The following SCAPER variants were observed in gnomAD, a reference collection of about 807,000 sequenced individuals.
SCAPER encodes the protein S-phase cyclin A associated protein in the ER.
SCAPER carries 98 observed loss-of-function variants against 182.2 expected under a neutral mutation model. The ratio of observed to expected loss-of-function variants is 0.54; its 90% CI spans 0.46 to 0.64. The LOEUF is 0.64. Ranked by LOEUF, SCAPER falls within the 30% of genes least tolerant of loss-of-function variation. SCAPER has a pLI of 0.00. For synonymous variants in SCAPER, 605 were observed against 564.6 expected, an observed-to-expected ratio of 1.07 and a Z score of -1.01; for missense variants, 1,432 against 1,690.0, an observed-to-expected ratio of 0.85 and a Z score of 2.68.
At chr15:76,496,009 C>CACAT (rs1455455172) in intron 24 of SCAPER, among the ~76,000 whole-genome samples, 8 of 139,358 alleles carry the variant, frequency 5.7e-5, no homozygotes, top group African/African-American at 2.2e-4. Flanking sequence ...CACACACACA[C>CACAT]ACACACACAC....
chr15:76,861,151 C>T (rs2071829814), intron 3 of SCAPER, among the ~76,000 whole-genome samples: 1 of 152,072 alleles, frequency 6.6e-6, no homozygotes, highest in African/African-American at 2.4e-5. Context: ...TTTGCAACCA[C>T]CAGAGGTATA....
At chr15:76,603,016 T>TTTTA (rs563245830) in intron 22 of SCAPER, among the ~76,000 whole-genome samples, 2 of 114,558 alleles carry the variant, frequency 1.7e-5, no homozygotes, top group South Asian at 2.7e-4. Flanking sequence ...ATAGTTTTTA[T>TTTTA]TTTATTTATT....
At chr15:76,690,447 T>A (rs2058290947) in intron 20 of SCAPER, among the ~76,000 whole-genome samples, 1 of 151,898 alleles carries the variant, frequency 6.6e-6, no homozygotes, top group Non-Finnish European at 1.5e-5. Flanking sequence ...CTAGATAAAA[T>A]CCTGAAATAG....
intron 22 of SCAPER, among the ~76,000 whole-genome samples, chr15:76,583,979 T>C (rs1253485746): frequency 6.6e-6 from 1 of 152,178 alleles, no homozygotes; most frequent in Non-Finnish European, 1.5e-5. Flanking sequence ...CCATGTTTAT[T>C]GCAGCACTAT....
chr15:76,709,181 G>C (rs1054497911), intron 17 of SCAPER, among the ~76,000 whole-genome samples: 1 of 152,132 alleles, frequency 6.6e-6, no homozygotes, highest in Non-Finnish European at 1.5e-5. Context: ...TGCCAGGCTG[G>C]AATGCAGTAG....
At chr15:76,365,139 G>T (rs1374113389) in intron 29 of SCAPER, among the ~76,000 whole-genome samples, 1 of 152,150 alleles carries the variant, frequency 6.6e-6, no homozygotes, top group African/African-American at 2.4e-5. Context: ...GCTGAAGGAA[G>T]GAATGAGTCT....
rs1230627482 is a variant in SCAPER at position 76,602,995 on chromosome 15, T to G, written c.2711+18769A>C. Reference sequence around the variant, plus strand: ...AGAAAACTTTTTTTTTTTTTTTGGTTTGGATCCTCAATAGTTTTTATTTTA... The same window carrying G: ...AGAAAACTTTTTTTTTTTTTTTGGTGTGGATCCTCAATAGTTTTTATTTTA... On this transcript the variant is annotated intron_variant, in intron 22 of 31. Transcript: ENST00000563290. 2.2e-4 allele frequency among the ~76,000 whole-genome samples: 24 copies of G among 108,538 alleles called. 2 individuals carry two copies. Among genetic ancestry groups the G allele is most frequent in the African/African-American group, 6.5e-4 (24 of 37,142 alleles). The allele number at this position is 108,538 out of a possible 152,430, so 71.2% of individuals were successfully genotyped here.
chr15:76,753,717 T>C (rs146555619), intron 15 of SCAPER, 91 bp downstream of exon 15: 56 of 1,386,888 alleles, frequency 4.0e-5, no homozygotes, highest in East Asian at 3.8e-4. Flanking sequence ...AGAATAAACA[T>C]TGGATAAACA....
chr15:76,477,528 C>A (rs1402321581), intron 24 of SCAPER, among the ~76,000 whole-genome samples: 1 of 151,978 alleles, frequency 6.6e-6, no homozygotes, highest in Non-Finnish European at 1.5e-5. Flanking sequence ...TAATTTGAGT[C>A]AAAGAATATG....
chr15:76,356,872 T>C (rs779353932), intron 29 of SCAPER, among the ~76,000 whole-genome samples: 5 of 152,134 alleles, frequency 3.3e-5, no homozygotes, highest in Admixed American at 6.5e-5. Flanking sequence ...ATGGCCTCAA[T>C]AGTAATCAGA....
At chr15:76,689,907 CTAGAATATAACTCAAAGTAAAA>C (rs1166758885) in intron 20 of SCAPER, among the ~76,000 whole-genome samples, 1 of 148,754 alleles carries the variant, frequency 6.7e-6, no homozygotes, top group African/African-American at 2.5e-5. Context: ...TAATGTAGTA[CTAGAATATAACTCAAAGTAAAA>C]AAAAAAAAAG....
intron 22 of SCAPER, among the ~76,000 whole-genome samples, chr15:76,580,675 G>C (rs2048204894): frequency 6.6e-6 from 1 of 152,030 alleles, no homozygotes; most frequent in Non-Finnish European, 1.5e-5. Context: ...GTACTAAGAG[G>C]AAAGTTTGTA....
chr15:76,573,961 A>T (rs1436200264), intron 23 of SCAPER, among the ~76,000 whole-genome samples, 197 bp downstream of exon 23: 1 of 151,504 alleles, frequency 6.6e-6, no homozygotes, highest in Non-Finnish European at 1.5e-5. Context: ...GACTTCAATT[A>T]AAAAAAAACC....
intron 22 of SCAPER, among the ~76,000 whole-genome samples, chr15:76,606,060 T>C (rs1455108133): frequency 2.0e-5 from 3 of 152,228 alleles, no homozygotes; most frequent in African/African-American, 4.8e-5. Context: ...TGCCTTCTGC[T>C]AGCTTTTGAA....
At chr15:76,733,188 A>T in intron 16 of SCAPER, 41 bp downstream of exon 16, 2 of 1,540,752 alleles carry the variant, frequency 1.3e-6, no homozygotes, top group Non-Finnish European at 1.8e-6. Flanking sequence ...TACAAATATG[A>T]CAGGTGCTCA....
intron 1 of SCAPER, among the ~76,000 whole-genome samples, chr15:76,901,823 G>A (rs527563056): frequency 1.1e-4 from 16 of 151,990 alleles, no homozygotes; most frequent in Admixed American, 2.6e-4. Flanking sequence ...GGATTCAAGC[G>A]ATTCTCCTGC....
chr15:76,633,884 C>A (rs2053372802), intron 21 of SCAPER, among the ~76,000 whole-genome samples: 1 of 152,224 alleles, frequency 6.6e-6, no homozygotes, highest in South Asian at 2.1e-4. Flanking sequence ...GGTGGGTATT[C>A]CAAGCCAGTC....
chr15:76,797,970 A>T (rs1192815528), intron 7 of SCAPER, among the ~76,000 whole-genome samples: 2 of 151,624 alleles, frequency 1.3e-5, no homozygotes, highest in East Asian at 3.9e-4. Flanking sequence ...AATAAACAGG[A>T]AAGTATGGCC....
At chr15:76,895,949 A>G (rs1333632934) in intron 1 of SCAPER, among the ~76,000 whole-genome samples, 1 of 151,728 alleles carries the variant, frequency 6.6e-6, no homozygotes, top group African/African-American at 2.4e-5. Context: ...CTGAGGCAGG[A>G]GAATGGTGTG....
Sources: allele counts gnomAD v4.1 joint callset (sites outside exome capture counted in the v4.1 genomes callset), GRCh38; gene constraint gnomAD v4.1.1; transcripts MANE v1.5; gene names NCBI Gene and HGNC (gene_info 2026-07-23, HGNC 2026-07-21).